MBNL3: variants seen among roughly 807,000 people sequenced by gnomAD.
The protein encoded by MBNL3 is muscleblind-like protein 3.
In MBNL3, 6 loss-of-function variants were observed where a neutral mutation model predicts 24.5. The observed-to-expected ratio is 0.25, with a 90% CI of 0.13 to 0.48. The LOEUF is 0.48. Ranked by LOEUF, MBNL3 falls within the 20% of genes least tolerant of loss-of-function variation. The probability of loss-of-function intolerance (pLI) is 0.99; values close to 1 mark genes in which losing one functional copy is unlikely to be tolerated. For missense variants in MBNL3, 230 were observed against 293.5 expected, an observed-to-expected ratio of 0.78 and a Z score of 1.58; for synonymous variants, 100 against 101.7, an observed-to-expected ratio of 0.98 and a Z score of 0.10.
At chrX:132,379,841 A>T (rs976346134) in intron 8 of MBNL3, among the ~76,000 whole-genome samples, 164 bp from the exon 9 acceptor site, 3 of 111,789 alleles carry the variant, frequency 2.7e-5, no homozygotes, top group African/African-American at 9.7e-5. Context: ...TTTGAGAATG[A>T]TCATGAAAGA....
intron 1 of MBNL3, among the ~76,000 whole-genome samples, chrX:132,474,311 C>G (rs757991241): frequency 9.0e-6 from 1 of 111,297 alleles, no homozygotes; most frequent in African/African-American, 3.3e-5. Flanking sequence ...TTTCCCCAAC[C>G]CTCTCTTTCA....
At chrX:132,480,438 A>G (rs1042757446) in intron 1 of MBNL3, among the ~76,000 whole-genome samples, 3 of 112,116 alleles carry the variant, frequency 2.7e-5, no homozygotes, top group African/African-American at 9.7e-5. Flanking sequence ...CTGAGTTAAG[A>G]ATTATCTGGC....
At chrX:132,390,265 CAAAAAA>C (rs59093044) in intron 5 of MBNL3, among the ~76,000 whole-genome samples, 3 of 31,618 alleles carry the variant, frequency 9.5e-5, no homozygotes, top group African/African-American at 1.3e-4. Context: ...ACAACAACAA[CAAAAAA>C]AAAAAAAAAA....
intron 1 of MBNL3, among the ~76,000 whole-genome samples, chrX:132,450,298 C>A (rs1469399070): frequency 8.9e-6 from 1 of 111,751 alleles, no homozygotes; most frequent in African/African-American, 3.3e-5. Context: ...TTCAGTTACA[C>A]AAATCAAACT....
chrX:132,447,490 C>T (rs1945792679), intron 1 of MBNL3, among the ~76,000 whole-genome samples: 1 of 111,235 alleles, frequency 9.0e-6, no homozygotes, highest in Non-Finnish European at 1.9e-5. Flanking sequence ...AGTTCGATTC[C>T]TAGGTATTTT....
At chrX:132,460,266 A>T (rs1946563771) in intron 1 of MBNL3, among the ~76,000 whole-genome samples, 1 of 112,222 alleles carries the variant, frequency 8.9e-6, no homozygotes, top group Non-Finnish European at 1.9e-5. Context: ...CTCATGAAAA[A>T]TTGGAAACTT....
In MBNL3 at chrX:132,377,002, G is replaced by A. The variant is rs1423664478; in HGVS notation, c.*2664C>T. ...TAAGTCATTGTTAATGTCTTCCAGT[G>A]CTTAACGCAACATGAAAACAGCTGT... On this transcript the variant is annotated 3_prime_UTR_variant, in exon 9 of 9. Transcript: ENST00000370853. 9.0e-6 allele frequency: 1 copy of A among 111,661 alleles called. No individual in the cohort carries two copies. The highest frequency in any genetic ancestry group is 1.9e-5 in the Non-Finnish European group (1 of 53,000). The allele number at this position is 111,661 out of a possible 1,213,427, so 9.2% of individuals were successfully genotyped here.
chrX:132,476,422 A>G (rs2148531538), intron 1 of MBNL3, among the ~76,000 whole-genome samples: 2 of 111,511 alleles, frequency 1.8e-5, no homozygotes, highest in South Asian at 7.6e-4. Context: ...CTTCTTTTGG[A>G]TTTCATGAAA....
At chrX:132,432,816 T>C (rs1378042278) in intron 2 of MBNL3, 1 of 109,071 alleles carries the variant, frequency 9.2e-6, no homozygotes, top group Non-Finnish European at 1.9e-5. Flanking sequence ...AGAAACAAAA[T>C]GAAAAAGCCC....
chrX:132,417,655 G>A (rs773215799), intron 2 of MBNL3, among the ~76,000 whole-genome samples: 8 of 111,585 alleles, frequency 7.2e-5, no homozygotes, highest in African/African-American at 2.6e-4. Flanking sequence ...TCTAGTCAGT[G>A]CCTTTTAATT....
At chrX:132,426,978 T>A (rs1944354246) in intron 2 of MBNL3, among the ~76,000 whole-genome samples, 1 of 111,730 alleles carries the variant, frequency 9.0e-6, no homozygotes, top group African/African-American at 3.2e-5. Flanking sequence ...TTTATACAAA[T>A]CCTTCTAGGA....
Position 132,405,114 on chromosome X carries a change from A to G in MBNL3, c.342+1114T>C, listed in dbSNP as rs1187773533. 6.2e-5 allele frequency among the ~76,000 whole-genome samples: 7 copies of G among 112,289 alleles called. No individual in the cohort carries two copies. The Admixed American group carries it at 6.6e-4, about 11-fold the overall frequency. ...TCAATAGAACAATATGAACAGATAT[A>G]GCTTAATTACTTTATAAAGGATCCA... On this transcript the variant is annotated intron_variant, in intron 3 of 8. Transcript: ENST00000370853.
At chrX:132,386,936 G>T in intron 5 of MBNL3, 125 bp from the exon 6 acceptor site, 1 of 773,901 alleles carries the variant, frequency 1.3e-6, no homozygotes, top group Non-Finnish European at 1.9e-6. Flanking sequence ...GCAAGACACT[G>T]GATAAGCAGT....
intron 2 of MBNL3, chrX:132,437,837 C>T: frequency 2.7e-6 from 1 of 374,211 alleles, no homozygotes; most frequent in Non-Finnish European, 3.4e-6. Context: ...AAAATAAGTT[C>T]TTTAGTCATA....
At chrX:132,435,774 A>G (rs1307956049) in intron 2 of MBNL3, among the ~76,000 whole-genome samples, 5 of 111,649 alleles carry the variant, frequency 4.5e-5, no homozygotes, top group South Asian at 7.6e-4. Context: ...TCCTCTAACT[A>G]TGTCTGCTGC....
rs1231592631 is a variant in MBNL3, at chrX:132,376,104, A to G, written c.*3562T>C. On this transcript the variant is annotated 3_prime_UTR_variant, in exon 9 of 9. Transcript: ENST00000370853. The stretch of plus-strand genomic sequence containing the variant: ...AGAGCCGGTGAGCTGAGGCCCTCCC[A>G]TTAGTGAACACCACCTAGTGGTATA... The G allele has an allele frequency of 9.0e-6, 1 of 111,297 alleles. No individual in the cohort carries two copies. Among genetic ancestry groups the G allele is most frequent in the Non-Finnish European group, 1.9e-5 (1 of 52,936 alleles). 9.2% of individuals were successfully genotyped at this position (111,297 alleles called of 1,213,427 possible).
rs774479421 is a variant in MBNL3, at chrX:132,392,400, G to T, written c.343-66C>A. 6.4e-5 allele frequency: 57 copies of T among 884,624 alleles called. No individual in the cohort carries two copies. In the South Asian group the frequency reaches 9.2e-4, roughly 14 times the overall value. 72.9% of individuals were successfully genotyped at this position (884,624 alleles called of 1,213,427 possible). ...ATTCTTCCTGTCATTACACAAAGAG[G>T]TATTCTTTCAGAAACATCAAAATTA... On this transcript the variant is annotated intron_variant, in intron 3 of 8. Transcript: ENST00000370853.
chrX:132,425,602 T>C (rs1944240397), intron 2 of MBNL3, among the ~76,000 whole-genome samples: 1 of 111,561 alleles, frequency 9.0e-6, no homozygotes, highest in Non-Finnish European at 1.9e-5. Flanking sequence ...GGCAGTCACC[T>C]TTTTCCACAA....
At chrX:132,420,923 G>A (rs1265182875) in intron 2 of MBNL3, among the ~76,000 whole-genome samples, 1 of 112,124 alleles carries the variant, frequency 8.9e-6, no homozygotes, top group Non-Finnish European at 1.9e-5. Flanking sequence ...CAACTGTTTC[G>A]GAAGCAGGTC....
Sources: gnomAD v4.1 joint callset for allele counts (sites outside exome capture counted in the v4.1 genomes callset) on GRCh38, gnomAD v4.1.1 for gene constraint, MANE v1.5 for transcripts, NCBI Gene and HGNC (gene_info 2026-07-23, HGNC 2026-07-21) for gene names.